MAPK8IP3: variants seen among roughly 807,000 people sequenced by gnomAD.
MAPK8IP3 encodes the protein C-Jun-amino-terminal kinase-interacting protein 3.
MAPK8IP3 carries 49 observed loss-of-function variants against 157.8 expected under a neutral mutation model. That is an observed-to-expected ratio of 0.31 (90% CI 0.25 to 0.39). MAPK8IP3 has a LOEUF of 0.39. MAPK8IP3 is among the 10% of genes least tolerant of loss of function. MAPK8IP3 has a pLI of 1.00. For synonymous variants in MAPK8IP3, 897 were observed against 777.7 expected (o/e 1.15, Z -2.55); for missense variants, 1,478 against 1,889.4 (o/e 0.78, Z 4.04).
At chr16:1,709,060 C>T (rs1369676658) in intron 1 of MAPK8IP3, among the ~76,000 whole-genome samples, 1 of 152,206 alleles carries the variant, frequency 6.6e-6, no homozygotes, top group Non-Finnish European at 1.5e-5. Flanking sequence ...GCAGAAGCTC[C>T]GTCCCCAGCC....
At position 1,706,239 on chromosome 16, in the gene MAPK8IP3, G is replaced by A; in HGVS notation, c.-101G>A. 1.8e-6 allele frequency: 2 copies of A among 1,109,798 alleles called. No homozygotes were observed. Among genetic ancestry groups the A allele is most frequent in the South Asian group, 1.9e-5 (1 of 51,914 alleles). 68.7% of individuals were successfully genotyped at this position (1,109,798 alleles called of 1,614,324 possible). A position where few individuals can be genotyped will look rare whatever the true frequency, so the allele number is the denominator to read the frequency against. Reference sequence around the variant, plus strand: ...GCGGAGCCCTGAGGCGACAGCAGCTGCGGGAGGCGACGGGCTGCGGCCTGC... The same window carrying A: ...GCGGAGCCCTGAGGCGACAGCAGCTACGGGAGGCGACGGGCTGCGGCCTGC... On this transcript the variant is annotated 5_prime_UTR_variant, in exon 1 of 32. Transcript: ENST00000610761. The surrounding 1 kb of genome is among the most constrained non-coding windows in gnomAD (Gnocchi z 5.1).
chr16:1,762,264 C>T, intron 13 of MAPK8IP3, 87 bp from the exon 14 acceptor site: 1 of 1,442,170 alleles, frequency 6.9e-7, no homozygotes, highest in East Asian at 2.5e-5. Flanking sequence ...CACTGAGATC[C>T]ACCTATACGT....
At chr16:1,747,894 C>G (rs2041064472) in intron 6 of MAPK8IP3, among the ~76,000 whole-genome samples, 1 of 152,244 alleles carries the variant, frequency 6.6e-6, no homozygotes, top group Non-Finnish European at 1.5e-5. Flanking sequence ...CTGCGTTGCC[C>G]CACGGCACAC....
In MAPK8IP3 at chr16:1,743,554, C is replaced by T. The variant is rs1359864237; in HGVS notation, c.747+78C>T. The T allele has an allele frequency of 2.6e-6, 4 of 1,544,538 alleles. No individual in the cohort carries two copies. The highest frequency in any genetic ancestry group is 3.5e-6 in the Non-Finnish European group (4 of 1,155,644). ...CCGTTCACTGGGGCGGGAGCCTCGT[C>T]TGCAGGCAGCCCTTCACGGCTCTCT... On this transcript the variant is annotated intron_variant, in intron 5 of 31. Coordinates refer to ENST00000610761, the MANE Select transcript of MAPK8IP3 (RefSeq NM_001318852.2). This position sits in a 1 kb window ranked among gnomAD's most constrained non-coding sequence, Gnocchi z 5.6.
chr16:1,758,888 C>A, intron 9 of MAPK8IP3, 90 bp from the exon 10 acceptor site: 1 of 1,425,480 alleles, frequency 7.0e-7, no homozygotes, highest in Non-Finnish European at 9.9e-7. Flanking sequence ...CTGCTGTCCA[C>A]ACGGGCTTAA....
At chr16:1,721,479 G>A (rs2038518345) in intron 1 of MAPK8IP3, among the ~76,000 whole-genome samples, 1 of 152,070 alleles carries the variant, frequency 6.6e-6, no homozygotes, top group South Asian at 2.1e-4. Flanking sequence ...TGTCATCTGG[G>A]AGTGCAGTGG....
rs147275402 is a variant in MAPK8IP3 at position 1,736,929 on chromosome 16, A to G, written c.603-6403A>G. Reference sequence around the variant, plus strand: ...GTCTGTGTGAGTGACCATCCATGTGAGCATCCGTGACCGTCCATGTGAGCG... The same window carrying G: ...GTCTGTGTGAGTGACCATCCATGTGGGCATCCGTGACCGTCCATGTGAGCG... On this transcript the variant is annotated intron_variant, in intron 4 of 31. Coordinates refer to ENST00000610761, the MANE Select transcript of MAPK8IP3 (RefSeq NM_001318852.2). Among the ~76,000 whole-genome samples the G allele has an allele frequency of 4.8e-3, 234 of 48,882 alleles. 10 individuals carry two copies. The highest frequency in any genetic ancestry group is 0.02 in the Middle Eastern group (1 of 50). 32.1% of individuals were successfully genotyped at this position (48,882 alleles called of 152,430 possible). A position where few individuals can be genotyped will look rare whatever the true frequency, so the allele number is the denominator to read the frequency against.
rs751253255 is a variant in MAPK8IP3, at chr16:1,768,125, G to A, written c.3562+18G>A. The A allele has an allele frequency of 1.8e-5, 29 of 1,611,894 alleles. No homozygotes were observed. Among genetic ancestry groups the A allele is most frequent in the Admixed American group, 1.0e-4 (6 of 59,996 alleles). On this transcript the variant is annotated intron_variant, in intron 29 of 31. Coordinates refer to ENST00000610761, the MANE Select transcript of MAPK8IP3 (RefSeq NM_001318852.2). ...GCTCCGAGGTAAGCCCAGCCACCTC[G>A]TGTCCCCTCACGGGAGCCTCTCCCA...
In MAPK8IP3 at chr16:1,766,148, T is replaced by C. The variant is rs2042246162; in HGVS notation, c.2629+6T>C. 1 of 1,605,060 alleles carries C rather than the reference T, an allele frequency of 6.2e-7. No individual in the cohort carries two copies. Among genetic ancestry groups the C allele is most frequent in the Non-Finnish European group, 8.5e-7 (1 of 1,174,484 alleles). On this transcript the variant is annotated splice_donor_region_variant and intron_variant, in intron 21 of 31. Coordinates refer to ENST00000610761, the MANE Select transcript of MAPK8IP3 (RefSeq NM_001318852.2). The stretch of plus-strand genomic sequence containing the variant: ...AGTGCTAGACAAGGGGCAGGGTGAG[T>C]CCTGGGCGAGTTTCCCCCATCCCCT...
intron 5 of MAPK8IP3, chr16:1,744,255 C>T (rs1245924121): frequency 4.1e-6 from 4 of 985,492 alleles, no homozygotes; most frequent in Middle Eastern, 5.2e-4. Context: ...CCACAGGGGC[C>T]GTCAGAGGAT....
intron 1 of MAPK8IP3, among the ~76,000 whole-genome samples, chr16:1,720,182 A>C (rs2038425005): frequency 6.6e-6 from 1 of 152,058 alleles, no homozygotes; most frequent in Non-Finnish European, 1.5e-5. Context: ...TTACAGGCGC[A>C]CGCCACCACG....
At chr16:1,727,116 A>G (rs781486675) in intron 2 of MAPK8IP3, among the ~76,000 whole-genome samples, 3 of 127,426 alleles carry the variant, frequency 2.4e-5, no homozygotes, top group Non-Finnish European at 5.0e-5. Flanking sequence ...CGTCTGTGTG[A>G]GTGTCATGTG....
intron 4 of MAPK8IP3, among the ~76,000 whole-genome samples, chr16:1,732,924 A>G (rs904901111): frequency 1.3e-4 from 20 of 152,238 alleles, no homozygotes; most frequent in African/African-American, 4.8e-4. Context: ...CCAGCTTGGC[A>G]AGCTGTGAAA....
At chr16:1,733,334 G>A (rs988538340) in intron 4 of MAPK8IP3, among the ~76,000 whole-genome samples, 3 of 152,110 alleles carry the variant, frequency 2.0e-5, no homozygotes, top group African/African-American at 4.8e-5. Context: ...CCCAGGTTCC[G>A]AGTTGCAGTG....
At chr16:1,759,081 A>G in intron 10 of MAPK8IP3, 86 bp downstream of exon 10, 1 of 1,569,216 alleles carries the variant, frequency 6.4e-7, no homozygotes, top group South Asian at 1.1e-5. Flanking sequence ...TTTGTTCTGC[A>G]TGATGGGGAC....
At chr16:1,752,217 TG>T in intron 8 of MAPK8IP3, 1 of 162,576 alleles carries the variant, frequency 6.2e-6, no homozygotes, top group South Asian at 1.3e-4. Context: ...CACGAGACCG[TG>T]AGGCAGTCCT....
chr16:1,769,130 A>C lies in MAPK8IP3; in HGVS notation c.*306A>C. ...GCACCTTGGGCCCAGCGCAGGCAGA[A>C]TCCGAGGTGGTCCTGGCTCTACCCT... On this transcript the variant is annotated 3_prime_UTR_variant, in exon 32 of 32. Transcript: ENST00000610761. 9.8e-6 allele frequency: 4 copies of C among 407,066 alleles called. No homozygotes were observed. Among genetic ancestry groups the C allele is most frequent in the Non-Finnish European group, 1.8e-5 (4 of 219,046 alleles). 25.2% of individuals were successfully genotyped at this position (407,066 alleles called of 1,614,324 possible).
At chr16:1,737,963 CGT>C (rs1274792007) in intron 4 of MAPK8IP3, among the ~76,000 whole-genome samples, 5 of 50,112 alleles carry the variant, frequency 1.0e-4, no homozygotes, top group African/African-American at 1.8e-4. Context: ...TGTGAGCGTC[CGT>C]GTGAGCGTGT....
chr16:1,732,523 G>A (rs1032661196), intron 4 of MAPK8IP3, among the ~76,000 whole-genome samples: 7 of 152,250 alleles, frequency 4.6e-5, no homozygotes, highest in South Asian at 4.1e-4. Flanking sequence ...GGGGCGTGCC[G>A]TGGAGCCTGC....
Sources: gnomAD v4.1 joint callset for allele counts (sites outside exome capture counted in the v4.1 genomes callset) on GRCh38, gnomAD v4.1.1 for gene constraint, Gnocchi (gnomAD v3.1) non-coding constraint, MANE v1.5 for transcripts, NCBI Gene and HGNC (gene_info 2026-07-23, HGNC 2026-07-21) for gene names.